APC: variants seen among roughly 807,000 people sequenced by gnomAD.
The protein encoded by APC is APC regulator of Wnt signaling pathway, also known as adenomatous polyposis coli protein.
Under a neutral mutation model 247.0 loss-of-function variants are expected in APC, and 72 were observed. The ratio of observed to expected loss-of-function variants is 0.29; its 90% confidence interval spans 0.24 to 0.35. The LOEUF is 0.35. Among genes scored for constraint, APC ranks in the 10% least tolerant of loss-of-function variants. The pLI, the probability that APC is intolerant of heterozygous loss-of-function variation, is 1.00. For synonymous variants in APC, 1,254 were observed against 1,162.5 expected, an observed-to-expected ratio of 1.08 and a Z score of -1.60; for missense variants, 3,400 against 3,360.7, an observed-to-expected ratio of 1.01 and a Z score of -0.29.
At chr5:112,815,665 G>A in intron 9 of APC, 72 bp downstream of exon 9, 1 of 1,208,778 alleles carries the variant, frequency 8.3e-7, no homozygotes, top group Non-Finnish European at 1.2e-6. Context: ...GCCAGGTGCA[G>A]TGGCTCACAC....
chr5:112,835,328 T>G (rs1764767964), intron 15 of APC, among the ~76,000 whole-genome samples, 163 bp downstream of exon 15: 1 of 152,214 alleles, frequency 6.6e-6, no homozygotes. Flanking sequence ...ATTAGTGTAC[T>G]TAATGTAATA....
Position 112,844,034 on chromosome 5 carries a change from A to G in APC, c.8440A>G (p.Lys2814Glu), listed in dbSNP as rs756826512. The G allele has an allele frequency of 3.7e-6, 6 of 1,602,940 alleles. No individual in the cohort carries two copies. The highest frequency in any genetic ancestry group is 5.1e-6 in the Non-Finnish European group (6 of 1,177,042). ...CCCAACTCCAGTGAATAACAACACAAAGAAGCGAGATTCCAAAACTGACAG... is the reference window on the plus strand; with the variant it reads ...CCCAACTCCAGTGAATAACAACACAGAGAAGCGAGATTCCAAAACTGACAG... ...QIPTPVNNNT[K>E]KRDSKTDSTE... Residue 2814 changes from lysine to glutamate, a missense_variant, in exon 16 of 16, where the codon AAG (lysine) becomes GAG (glutamate). By Grantham distance (56) the Lys-to-Glu change is moderately conservative (BLOSUM62 1). Coordinates refer to ENST00000257430, the MANE Select transcript of APC (RefSeq NM_000038.6).
intron 6 of APC, 146 bp from the exon 7 acceptor site, chr5:112,792,300 A>T: frequency 1.9e-6 from 1 of 529,936 alleles, no homozygotes; most frequent in East Asian, 3.5e-5. Flanking sequence ...TTTGTTATTA[A>T]AGGGTGAATA....
chr5:112,741,766 A>G (rs1753056591), intron 1 of APC, among the ~76,000 whole-genome samples: 1 of 152,140 alleles, frequency 6.6e-6, no homozygotes, highest in East Asian at 1.9e-4. Context: ...CACATTAAAC[A>G]CTAACATGCC....
chr5:112,836,178 CCG>C (rs1491125406), intron 15 of APC, among the ~76,000 whole-genome samples: 1 of 88,014 alleles, frequency 1.1e-5, no homozygotes, highest in African/African-American at 3.6e-5. Context: ...CCCCCCCCCC[CCG>C]CCACCGTGCC....
At chr5:112,738,173 C>T (rs1314110997) in intron 1 of APC, among the ~76,000 whole-genome samples, 1 of 152,110 alleles carries the variant, frequency 6.6e-6, no homozygotes, top group Non-Finnish European at 1.5e-5. Context: ...TAAGGGGAGT[C>T]TGCTGAGAAA....
chr5:112,810,179 G>A (rs1761847867), intron 8 of APC: 1 of 455,778 alleles, frequency 2.2e-6, no homozygotes, highest in Admixed American at 2.4e-5. Context: ...GTAGAGAAGA[G>A]AGTTGAAGAT....
In APC at chr5:112,754,901, C is replaced by G. The variant is rs2149737293; in HGVS notation, c.11C>G (p.Ala4Gly). 1 of 1,613,678 alleles carries G rather than the reference C, an allele frequency of 6.2e-7. No homozygotes were observed. Among genetic ancestry groups the G allele is most frequent in the Non-Finnish European group, 8.5e-7 (1 of 1,179,730 alleles). Residue 4 changes from alanine to glycine, a missense_variant, in exon 2 of 16, where the codon GCT becomes GGT. Ala to Gly is a moderately conservative substitution (Grantham distance 60). Transcript: ENST00000257430. Reference sequence around the variant, plus strand: ...CAAGGGTAGCCAAGGATGGCTGCAGCTTCATATGATCAGTTGTTAAAGCAA... The same window carrying G: ...CAAGGGTAGCCAAGGATGGCTGCAGGTTCATATGATCAGTTGTTAAAGCAA... MAA[A>G]SYDQLLKQVE...
intron 1 of APC, among the ~76,000 whole-genome samples, chr5:112,753,403 A>G (rs373063017): frequency 6.6e-6 from 1 of 152,170 alleles, no homozygotes; most frequent in Admixed American, 6.5e-5. Context: ...TTTACATAGT[A>G]CTTTTATTTT....
chr5:112,830,889 A>C (rs548220475), intron 14 of APC, among the ~76,000 whole-genome samples: 1 of 152,310 alleles, frequency 6.6e-6, no homozygotes, highest in South Asian at 2.1e-4. Flanking sequence ...TACATGTATG[A>C]AAAATTATCA....
intron 1 of APC, among the ~76,000 whole-genome samples, chr5:112,749,168 G>A (rs540296589): frequency 6.6e-6 from 1 of 152,136 alleles, no homozygotes; most frequent in South Asian, 2.1e-4. Context: ...TTCTGCTGTA[G>A]TTTCTTTACT....
intron 9 of APC, among the ~76,000 whole-genome samples, chr5:112,816,110 TC>T (rs1561536485): frequency 6.6e-6 from 1 of 152,172 alleles, no homozygotes; most frequent in African/African-American, 2.4e-5. Flanking sequence ...CCTGTGACTT[TC>T]CCCCTCCCTT....
intron 9 of APC, among the ~76,000 whole-genome samples, chr5:112,817,876 T>G (rs577100330): frequency 1.3e-5 from 2 of 152,332 alleles, no homozygotes; most frequent in East Asian, 3.9e-4. Flanking sequence ...AGCCAAAATT[T>G]GAACCTAGCT....
At chr5:112,813,961 A>G (rs536660829) in intron 8 of APC, among the ~76,000 whole-genome samples, 2 of 152,202 alleles carry the variant, frequency 1.3e-5, no homozygotes, top group East Asian at 1.9e-4. Flanking sequence ...CTGAAAGACA[A>G]TTCGAATGAT....
In APC at chr5:112,841,508, C is replaced by T. The variant is rs1222940653; in HGVS notation, c.5914C>T (p.Leu1972Phe). ...CFSHNSSLSS[L>F]SDIDQENNNK... ...TTCTCATAATTCCTCTCTGAGTTCT[C>T]TCAGTGACATTGACCAAGAAAACAA... The change falls in exon 16 of 16, where the codon CTC becomes TTC. Residue 1972 changes from leucine (L) to phenylalanine (F), a missense_variant. By Grantham distance (22) the Leu-to-Phe change is conservative. Around this residue, in one of 9 missense-constraint regions of APC, gnomAD observed 1,788 missense variants for 1,649.5 expected, o/e 1.08. Coordinates refer to ENST00000257430, the MANE Select transcript of APC (RefSeq NM_000038.6). This position sits in a 1 kb window ranked among gnomAD's most constrained non-coding sequence, Gnocchi z 4.6. 1 of 1,613,812 alleles carries T rather than the reference C, an allele frequency of 6.2e-7. No individual in the cohort carries two copies. The highest frequency in any genetic ancestry group is 1.7e-5 in the Admixed American group (1 of 59,982).
rs138498551 is a variant in APC at position 112,838,055 on chromosome 5, G to C, written c.2461G>C (p.Val821Leu). 1 of 1,614,150 alleles carries C rather than the reference G, an allele frequency of 6.2e-7. No homozygotes were observed. Among genetic ancestry groups the C allele is most frequent in the Non-Finnish European group, 8.5e-7 (1 of 1,180,024 alleles). ...SDNFNTGNMT[V>L]LSPYLNTTVL... Reference sequence around the variant, plus strand: ...CAATTTTAATACTGGCAACATGACTGTCCTTTCACCATATTTGAATACTAC... The same window carrying C: ...CAATTTTAATACTGGCAACATGACTCTCCTTTCACCATATTTGAATACTAC... Residue 821 changes from valine (V) to leucine (L), a missense_variant, in exon 16 of 16, where the codon GTC (valine) becomes CTC (leucine). Val to Leu is a conservative substitution (Grantham distance 32, BLOSUM62 1). Around this residue, in one of 9 missense-constraint regions of APC, gnomAD observed 715 missense variants for 656.6 expected, o/e 1.09. Transcript: ENST00000257430.
intron 1 of APC, among the ~76,000 whole-genome samples, chr5:112,738,989 T>A (rs547697803): frequency 1.2e-4 from 19 of 152,356 alleles, no homozygotes; most frequent in African/African-American, 4.3e-4. Context: ...CAAACCACTT[T>A]ACAACGTAAA....
chr5:112,793,892 T>A (rs1236659130), intron 7 of APC, among the ~76,000 whole-genome samples: 2 of 152,076 alleles, frequency 1.3e-5, no homozygotes, highest in Non-Finnish European at 2.9e-5. Context: ...TCTAACAACC[T>A]TCTGGAGAAG....
At chr5:112,826,198 A>T (rs1763641861) in intron 11 of APC, among the ~76,000 whole-genome samples, 1 of 152,172 alleles carries the variant, frequency 6.6e-6, no homozygotes, top group Non-Finnish European at 1.5e-5. Context: ...ACCTAATTAG[A>T]CTTGTAGTAT....
Sources: gnomAD v4.1 joint callset for allele counts (sites outside exome capture counted in the v4.1 genomes callset) on GRCh38, gnomAD v4.1.1 for gene constraint, gnomAD v4.1.1 regional missense constraint, Gnocchi (gnomAD v3.1) non-coding constraint, MANE v1.5 for transcripts, NCBI Gene and HGNC (gene_info 2026-07-23, HGNC 2026-07-21) for gene names.